Variants in SPATA17 observed in about 807,000 individuals in gnomAD.
SPATA17 encodes the protein spermatogenesis-associated protein 17.
In SPATA17, 53 loss-of-function variants were observed where a neutral mutation model predicts 62.2. That is an observed-to-expected ratio of 0.85 (90% confidence interval 0.68 to 1.07). SPATA17 has a LOEUF of 1.07. Among genes scored for constraint, SPATA17 ranks in the 50% least tolerant of loss-of-function variants. The probability of loss-of-function intolerance (pLI) is 0.00; values close to 1 mark genes in which losing one functional copy is unlikely to be tolerated. For synonymous variants in SPATA17, 146 were observed against 146.8 expected (o/e 0.99, Z 0.04); for missense variants, 466 against 425.5 (o/e 1.10, Z -0.84).
intron 3 of SPATA17, among the ~76,000 whole-genome samples, chr1:217,661,108 A>G (rs972976022): frequency 1.3e-5 from 2 of 152,148 alleles, no homozygotes; most frequent in African/African-American, 4.8e-5. Context: ...TGGAGATAAA[A>G]GTTCTAGATC....
At chr1:217,815,436 G>A (rs763135114) in intron 9 of SPATA17, among the ~76,000 whole-genome samples, 1 of 152,070 alleles carries the variant, frequency 6.6e-6, no homozygotes, top group Non-Finnish European at 1.5e-5. Flanking sequence ...TAGCAGCAGC[G>A]TGTTTTGGGT....
intron 3 of SPATA17, among the ~76,000 whole-genome samples, chr1:217,658,675 G>A (rs1347798536): frequency 3.3e-5 from 5 of 151,928 alleles, no homozygotes; most frequent in South Asian, 2.1e-4. Context: ...GGAGAATGGC[G>A]TGAACCCGGG....
intron 5 of SPATA17, among the ~76,000 whole-genome samples, chr1:217,685,914 T>A (rs1049721847): frequency 1.3e-5 from 2 of 152,134 alleles, no homozygotes; most frequent in African/African-American, 4.8e-5. Flanking sequence ...TTTATTATAG[T>A]ATATTGTTAT....
At chr1:217,669,317 C>G (rs1670782507) in intron 4 of SPATA17, among the ~76,000 whole-genome samples, 1 of 152,128 alleles carries the variant, frequency 6.6e-6, no homozygotes, top group African/African-American at 2.4e-5. Flanking sequence ...TGTTGAATAT[C>G]TCTGAGCCAT....
intron 8 of SPATA17, among the ~76,000 whole-genome samples, chr1:217,789,165 T>C (rs1673939740): frequency 6.6e-6 from 1 of 152,214 alleles, no homozygotes; most frequent in South Asian, 2.1e-4. Flanking sequence ...CAGCTGTCTC[T>C]ACATCTTTTA....
At chr1:217,849,451 A>T (rs1332033195) in intron 9 of SPATA17, among the ~76,000 whole-genome samples, 1 of 151,998 alleles carries the variant, frequency 6.6e-6, no homozygotes, top group East Asian at 1.9e-4. Context: ...GTCCTTTCCT[A>T]AAAAAACAAA....
chr1:217,740,857 A>C (rs1199118076), intron 5 of SPATA17, among the ~76,000 whole-genome samples: 1 of 152,218 alleles, frequency 6.6e-6, no homozygotes, highest in Non-Finnish European at 1.5e-5. Flanking sequence ...TAATTCATTT[A>C]TTTTGCAATT....
intron 3 of SPATA17, among the ~76,000 whole-genome samples, chr1:217,667,174 A>G (rs1670716318): frequency 2.0e-5 from 3 of 149,608 alleles, no homozygotes; most frequent in African/African-American, 7.4e-5. Flanking sequence ...CAGCCTCCTG[A>G]GTAGCTGGGA....
chr1:217,766,915 T>C (rs905221943), intron 6 of SPATA17, among the ~76,000 whole-genome samples: 1 of 152,138 alleles, frequency 6.6e-6, no homozygotes, highest in Non-Finnish European at 1.5e-5. Context: ...CCCCTTCAAA[T>C]AGGCCCCACT....
chr1:217,801,821 G>A lies in SPATA17; in HGVS notation c.976G>A (p.Glu326Lys). Residue 326 changes from glutamate to lysine, a missense_variant, in exon 9 of 11, where the codon GAA (glutamate) becomes AAA (lysine). By Grantham distance (56) the Glu-to-Lys change is moderately conservative. Coordinates refer to ENST00000366933, the MANE Select transcript of SPATA17 (RefSeq NM_138796.4). Reference protein sequence around the residue: ...PISYKEQFRSENPKKWICDKD... With the variant: ...PISYKEQFRSKNPKKWICDKD... The stretch of plus-strand genomic sequence containing the variant: ...TTCTTACAAAGAACAATTCCGAAGT[G>A]AAAATCCTAAGAAATGGATCTGTGA... 6 of 1,609,658 alleles carry A rather than the reference G, an allele frequency of 3.7e-6. No individual in the cohort carries two copies. Among genetic ancestry groups the A allele is most frequent in the Non-Finnish European group, 5.1e-6 (6 of 1,178,740 alleles).
intron 9 of SPATA17, among the ~76,000 whole-genome samples, chr1:217,856,528 A>G (rs1675788805): frequency 6.6e-6 from 1 of 152,214 alleles, no homozygotes; most frequent in Admixed American, 6.5e-5. Flanking sequence ...TGGCCATCAC[A>G]CAATATGCAA....
At chr1:217,735,917 TTA>T (rs986506995) in intron 5 of SPATA17, among the ~76,000 whole-genome samples, 2 of 151,672 alleles carry the variant, frequency 1.3e-5, no homozygotes, top group Non-Finnish European at 2.9e-5. Flanking sequence ...ATTGAGTCAT[TTA>T]TATGTTACAT....
intron 9 of SPATA17, among the ~76,000 whole-genome samples, chr1:217,809,678 C>T (rs543087947): frequency 3.3e-5 from 5 of 152,270 alleles, no homozygotes; most frequent in Admixed American, 6.5e-5. Context: ...AAGCAATTTA[C>T]GAGGTATCTG....
chr1:217,787,541 C>T (rs929784279), intron 8 of SPATA17, among the ~76,000 whole-genome samples: 1 of 152,078 alleles, frequency 6.6e-6, no homozygotes, highest in Non-Finnish European at 1.5e-5. Context: ...TGAATCTCCT[C>T]AAATCCATTT....
intron 9 of SPATA17, among the ~76,000 whole-genome samples, chr1:217,822,211 T>A (rs973616046): frequency 2.0e-5 from 3 of 152,082 alleles, no homozygotes; most frequent in African/African-American, 7.2e-5. Flanking sequence ...TGTGTGAATT[T>A]TTATTTCTCT....
intron 5 of SPATA17, among the ~76,000 whole-genome samples, chr1:217,733,981 T>C (rs1187567763): frequency 6.6e-6 from 1 of 151,964 alleles, no homozygotes; most frequent in Non-Finnish European, 1.5e-5. Flanking sequence ...ATCCGGGGAG[T>C]AGGTAACCAG....
At chr1:217,633,069 A>C (rs967188371) in intron 1 of SPATA17, among the ~76,000 whole-genome samples, 4 of 152,114 alleles carry the variant, frequency 2.6e-5, no homozygotes, top group Non-Finnish European at 5.9e-5. Flanking sequence ...ATGGTGGTGC[A>C]CGCCTGTAGT....
intron 3 of SPATA17, among the ~76,000 whole-genome samples, chr1:217,658,430 C>T (rs1670488292): frequency 6.6e-6 from 1 of 152,154 alleles, no homozygotes; most frequent in African/African-American, 2.4e-5. Context: ...ATACCACATA[C>T]AGATGAGCCA....
chr1:217,646,025 T>A (rs923174638), intron 1 of SPATA17, among the ~76,000 whole-genome samples: 2 of 152,148 alleles, frequency 1.3e-5, no homozygotes, highest in Non-Finnish European at 2.9e-5. Context: ...TTACAGAGAT[T>A]ATCAAACTTT....
Sources: allele counts gnomAD v4.1 joint callset (sites outside exome capture counted in the v4.1 genomes callset), GRCh38; gene constraint gnomAD v4.1.1; transcripts MANE v1.5; gene names NCBI Gene and HGNC (gene_info 2026-07-23, HGNC 2026-07-21).